Variants in RIT2 observed in about 807,000 individuals in gnomAD.
RIT2 encodes Ras like without CAAX 2, also known as GTP-binding protein Rit2.
A neutral mutation model predicts 23.7 loss-of-function variants in RIT2; 24 were observed. The observed-to-expected ratio is 1.01, with a 90% CI of 0.73 to 1.43. The LOEUF (loss-of-function observed/expected upper bound fraction) is 1.43, where lower values mean the gene tolerates loss of function less well. RIT2 is among the 40% of genes most tolerant of loss of function. The pLI is 0.00. For synonymous variants in RIT2, 107 were observed against 91.1 expected, an observed-to-expected ratio of 1.17 and a Z score of -0.99; for missense variants, 236 against 266.9, an observed-to-expected ratio of 0.88 and a Z score of 0.81.
At chr18:43,090,203 G>A (rs1360681586) in intron 1 of RIT2, among the ~76,000 whole-genome samples, 1 of 152,076 alleles carries the variant, frequency 6.6e-6, no homozygotes, top group Admixed American at 6.6e-5. Flanking sequence ...ATTAAAAAGT[G>A]GGCAAAGGAC....
At chr18:43,084,900 G>A (rs1039077797) in intron 1 of RIT2, among the ~76,000 whole-genome samples, 5 of 152,044 alleles carry the variant, frequency 3.3e-5, no homozygotes, top group African/African-American at 1.2e-4. Context: ...AATAAAAAAA[G>A]TTAGTCATAA....
chr18:42,788,139 A>G (rs1913963736), intron 4 of RIT2, among the ~76,000 whole-genome samples: 1 of 152,160 alleles, frequency 6.6e-6, no homozygotes, highest in Admixed American at 6.5e-5. Flanking sequence ...ATATTTGTTT[A>G]GAAGAGTGTC....
chr18:43,048,454 G>A (rs1324999746), intron 1 of RIT2, among the ~76,000 whole-genome samples: 1 of 152,040 alleles, frequency 6.6e-6, no homozygotes, highest in Admixed American at 6.6e-5. Flanking sequence ...GACATTTCCT[G>A]GATATTTACA....
chr18:42,869,282 C>T (rs1021616206), intron 4 of RIT2, among the ~76,000 whole-genome samples: 1 of 152,162 alleles, frequency 6.6e-6, no homozygotes, highest in Non-Finnish European at 1.5e-5. Flanking sequence ...CCATAGGGTT[C>T]GTGCTCCTAT....
chr18:42,800,348 C>T (rs764190840), intron 4 of RIT2, among the ~76,000 whole-genome samples: 10 of 152,052 alleles, frequency 6.6e-5, no homozygotes, highest in South Asian at 2.1e-4. Flanking sequence ...CGGTTTCAAC[C>T]TTTAGCTGCC....
chr18:42,912,193 C>A (rs548821898), intron 4 of RIT2, among the ~76,000 whole-genome samples: 1 of 151,058 alleles, frequency 6.6e-6, no homozygotes, highest in Admixed American at 6.6e-5. Context: ...CTTATTATAT[C>A]ATTTACTACA....
chr18:42,969,064 T>A (rs1291454142), intron 3 of RIT2, among the ~76,000 whole-genome samples: 1 of 152,188 alleles, frequency 6.6e-6, no homozygotes, highest in African/African-American at 2.4e-5. Context: ...TTAGTTAGCA[T>A]CCATCAAATA....
chr18:42,938,595 T>C (rs1235818592), intron 3 of RIT2, among the ~76,000 whole-genome samples: 1 of 152,096 alleles, frequency 6.6e-6, no homozygotes, highest in East Asian at 1.9e-4. Context: ...ACTTCCAAAA[T>C]AGCAAACTGC....
chr18:42,933,085 TTTTTAACATTAAA>T (rs1909366533), intron 3 of RIT2, among the ~76,000 whole-genome samples: 1 of 152,164 alleles, frequency 6.6e-6, no homozygotes, highest in African/African-American at 2.4e-5. Flanking sequence ...GCTTGGTAGA[TTTTTAACATTAAA>T]AAATTCAATT....
chr18:42,770,939 T>C (rs578085890), intron 4 of RIT2, among the ~76,000 whole-genome samples: 2 of 152,282 alleles, frequency 1.3e-5, no homozygotes, highest in East Asian at 3.9e-4. Context: ...AAAGAACTAA[T>C]ATGACCTCTA....
chr18:42,892,536 G>A (rs1288960098), intron 4 of RIT2, among the ~76,000 whole-genome samples: 2 of 152,136 alleles, frequency 1.3e-5, no homozygotes, highest in African/African-American at 4.8e-5. Flanking sequence ...AATCTTATCT[G>A]ACATTGTGCT....
intron 2 of RIT2, among the ~76,000 whole-genome samples, chr18:42,991,014 C>T (rs532853929): frequency 1.4e-4 from 21 of 150,000 alleles, no homozygotes; most frequent in African/African-American, 4.6e-4. Flanking sequence ...GGACTAGACT[C>T]CCAAGTCTAG....
chr18:42,959,140 C>T (rs994647285), intron 3 of RIT2, among the ~76,000 whole-genome samples: 4 of 152,174 alleles, frequency 2.6e-5, no homozygotes, highest in Non-Finnish European at 5.9e-5. Flanking sequence ...TGTTCCTACA[C>T]TTTCTTGTGT....
chr18:42,934,025 AAAAAAAAAAAAAAG>A (rs1429801218), intron 3 of RIT2, among the ~76,000 whole-genome samples: 3 of 64,802 alleles, frequency 4.6e-5, no homozygotes, highest in Admixed American at 2.2e-4. Flanking sequence ...TCACAGAAGA[AAAAAAAAAAAAAAG>A]AAAAAAAAAA....
intron 4 of RIT2, among the ~76,000 whole-genome samples, chr18:42,867,728 A>G (rs1049859508): frequency 2.0e-5 from 3 of 152,128 alleles, no homozygotes; most frequent in African/African-American, 7.2e-5. Flanking sequence ...CAGGAGGTCG[A>G]GGCTTCAGTG....
intron 1 of RIT2, among the ~76,000 whole-genome samples, chr18:43,040,009 G>C (rs928876176): frequency 1.3e-5 from 2 of 152,106 alleles, no homozygotes; most frequent in East Asian, 3.9e-4. Flanking sequence ...GTCTAAAAAG[G>C]CCGAGAGAAA....
chr18:42,842,610 C>T (rs1377572303), intron 4 of RIT2, among the ~76,000 whole-genome samples: 1 of 152,048 alleles, frequency 6.6e-6, no homozygotes, highest in Non-Finnish European at 1.5e-5. Flanking sequence ...TTATGTCTTC[C>T]TACCTCAAAC....
intron 1 of RIT2, among the ~76,000 whole-genome samples, chr18:43,056,946 A>G (rs1912516464): frequency 6.6e-6 from 1 of 150,810 alleles, no homozygotes; most frequent in African/African-American, 2.4e-5. Flanking sequence ...ATTTAATTAT[A>G]ATCATGGGAT....
chr18:42,743,777 A>G, intron 4 of RIT2, 57 bp from the exon 5 acceptor site: 1 of 1,324,306 alleles, frequency 7.6e-7, no homozygotes, highest in Non-Finnish European at 1.0e-6. Flanking sequence ...CTTCAATTAA[A>G]AATACGTTCT....
Sources: allele counts gnomAD v4.1 joint callset (sites outside exome capture counted in the v4.1 genomes callset), GRCh38; gene constraint gnomAD v4.1.1; transcripts MANE v1.5; gene names NCBI Gene and HGNC (gene_info 2026-07-23, HGNC 2026-07-21).